The following MKLN1 variants were observed in gnomAD, a reference collection of about 807,000 sequenced individuals.
MKLN1 encodes the protein muskelin.
MKLN1 carries 18 observed loss-of-function variants against 99.0 expected under a neutral mutation model. The observed-to-expected ratio is 0.18, with a 90% CI of 0.13 to 0.27. The LOEUF is 0.27. Among genes scored for constraint, MKLN1 ranks in the 10% least tolerant of loss-of-function variants. The pLI is 1.00. For missense variants in MKLN1, 621 were observed against 875.9 expected, an observed-to-expected ratio of 0.71 and a Z score of 3.67; for synonymous variants, 288 against 293.2, an observed-to-expected ratio of 0.98 and a Z score of 0.18.
chr7:131,288,310 T>C (rs1304658325), intron 3 of MKLN1, among the ~76,000 whole-genome samples: 3 of 152,200 alleles, frequency 2.0e-5, no homozygotes, highest in African/African-American at 7.2e-5. Flanking sequence ...TTCACAGTTC[T>C]AGCTCTTTCT....
chr7:131,247,246 T>A (rs563167386), intron 3 of MKLN1, among the ~76,000 whole-genome samples: 264 of 139,300 alleles, frequency 1.9e-3, no homozygotes, highest in African/African-American at 6.2e-3. Flanking sequence ...TTTTTTTTTT[T>A]TTTGTCACCA....
intron 1 of MKLN1, among the ~76,000 whole-genome samples, chr7:131,335,109 T>C (rs1799214145): frequency 6.6e-6 from 1 of 152,186 alleles, no homozygotes; most frequent in Non-Finnish European, 1.5e-5. Context: ...AGTCCAGCAG[T>C]ATTAAAATCT....
chr7:131,307,547 G>A lies in MKLN1; in HGVS notation c.-178-67877G>A, dbSNP rs539636971. Among the ~76,000 whole-genome samples the A allele has an allele frequency of 5.9e-5, 9 of 152,320 alleles. No individual in the cohort carries two copies. The East Asian group carries it at 7.7e-4, about 13-fold the overall frequency. On this transcript the variant is annotated intron_variant, in intron 3 of 7. Transcript: ENST00000416992. ...CAGGAGCGGAGTTACCTAAGGCCTT[G>A]GGAGCCTACCTCTTGCATCAGCATG...
At chr7:131,479,554 T>C (rs1453038005) in intron 17 of MKLN1, among the ~76,000 whole-genome samples, 2 of 150,386 alleles carry the variant, frequency 1.3e-5, no homozygotes, top group African/African-American at 4.9e-5. Flanking sequence ...AGGCCGGGCG[T>C]GGTGGCTCAT....
chr7:131,435,827 C>G (rs1387592616), intron 9 of MKLN1, among the ~76,000 whole-genome samples: 1 of 152,038 alleles, frequency 6.6e-6, no homozygotes, highest in Non-Finnish European at 1.5e-5. Context: ...ATCAGTCTTT[C>G]AAAGAACCAA....
At chr7:131,459,245 G>A (rs913645432) in intron 12 of MKLN1, among the ~76,000 whole-genome samples, 1 of 152,218 alleles carries the variant, frequency 6.6e-6, no homozygotes, top group East Asian at 1.9e-4. Context: ...CCCTGCTACA[G>A]CAAGGGTCTT....
At chr7:131,398,117 G>A (rs1403929950) in intron 5 of MKLN1, among the ~76,000 whole-genome samples, 2 of 152,020 alleles carry the variant, frequency 1.3e-5, no homozygotes, top group East Asian at 1.9e-4. Flanking sequence ...CCTTATTAAA[G>A]GGTCATGCCT....
intron 9 of MKLN1, among the ~76,000 whole-genome samples, chr7:131,433,709 C>G (rs1270248551): frequency 6.6e-6 from 1 of 152,104 alleles, no homozygotes; most frequent in Non-Finnish European, 1.5e-5. Flanking sequence ...TTGGTCTCTT[C>G]TTAACCAATA....
intron 3 of MKLN1, among the ~76,000 whole-genome samples, chr7:131,294,929 G>A (rs993176705): frequency 5.3e-5 from 8 of 152,226 alleles, no homozygotes; most frequent in African/African-American, 9.6e-5. Flanking sequence ...AAACCATCTC[G>A]TGAGGCTAGC....
intron 6 of MKLN1, among the ~76,000 whole-genome samples, chr7:131,401,384 C>T (rs901342392): frequency 3.3e-5 from 5 of 152,296 alleles, no homozygotes; most frequent in Admixed American, 1.3e-4. Context: ...CAAAAGTAAT[C>T]ACCTAGGGAC....
At chr7:131,236,370 A>G (rs552992053) in intron 3 of MKLN1, among the ~76,000 whole-genome samples, 1 of 152,304 alleles carries the variant, frequency 6.6e-6, no homozygotes, top group South Asian at 2.1e-4. Context: ...CCGCTAAAAA[A>G]GTGATGGAGG....
intron 3 of MKLN1, among the ~76,000 whole-genome samples, chr7:131,216,441 A>G (rs572506716): frequency 6.6e-6 from 1 of 151,930 alleles, no homozygotes; most frequent in South Asian, 2.1e-4. Context: ...AAAAAAAGAA[A>G]AAAAAGAAAG....
At chr7:131,423,303 A>G (rs1424210668) in intron 8 of MKLN1, among the ~76,000 whole-genome samples, 3 of 152,084 alleles carry the variant, frequency 2.0e-5, no homozygotes, top group Non-Finnish European at 2.9e-5. Context: ...TGTAGCTATT[A>G]TATGAAAGTG....
At chr7:131,482,811 G>A (rs1426470) in intron 17 of MKLN1, among the ~76,000 whole-genome samples, 83,316 of 152,070 alleles carry the variant, frequency 0.55, 23,319 homozygotes, top group East Asian at 0.68. Flanking sequence ...AGCACTTACT[G>A]TGGGGCCAAG....
rs779178132 is a variant in MKLN1 at position 131,443,549 on chromosome 7, C to T, written c.1242C>T (p.Ser414=). ...FGGRILTCNG[S]VDDSRASEPQ... Reference sequence around the variant, plus strand: ...GTAGAATTTTGACTTGTAATGGCAGCGTAGATGACAGCAGAGCCAGTGAAC... The same window carrying T: ...GTAGAATTTTGACTTGTAATGGCAGTGTAGATGACAGCAGAGCCAGTGAAC... Residue 414 remains serine, a synonymous_variant, in exon 11 of 18, where the codon AGC becomes AGT. Transcript: ENST00000352689. 41 of 1,613,836 alleles carry T rather than the reference C, an allele frequency of 2.5e-5. No individual in the cohort carries two copies. Among genetic ancestry groups the T allele is most frequent in the Non-Finnish European group, 3.3e-5 (39 of 1,179,908 alleles).
At chr7:131,375,265 A>G (rs1793606906) in intron 1 of MKLN1, among the ~76,000 whole-genome samples, 159 bp from the exon 2 acceptor site, 1 of 152,148 alleles carries the variant, frequency 6.6e-6, no homozygotes, top group Non-Finnish European at 1.5e-5. Flanking sequence ...TCTTATATCT[A>G]CTAGAAGCTT....
At chr7:131,167,720 T>C (rs1323938008) in intron 2 of MKLN1, among the ~76,000 whole-genome samples, 3 of 151,498 alleles carry the variant, frequency 2.0e-5, no homozygotes, top group African/African-American at 4.9e-5. Context: ...GAAAAATGTA[T>C]ACTAATGTGA....
At chr7:131,209,721 G>C (rs1362374565) in intron 3 of MKLN1, among the ~76,000 whole-genome samples, 3 of 152,174 alleles carry the variant, frequency 2.0e-5, no homozygotes, top group Non-Finnish European at 4.4e-5. Context: ...CTGTCATTCA[G>C]TCATAATAAT....
At chr7:131,304,776 T>G (rs553114497) in intron 3 of MKLN1, among the ~76,000 whole-genome samples, 2 of 152,336 alleles carry the variant, frequency 1.3e-5, no homozygotes, top group Non-Finnish European at 2.9e-5. Context: ...CTGGCCTATT[T>G]GGAGTGTTTG....
Sources: gnomAD v4.1 joint callset for allele counts (sites outside exome capture counted in the v4.1 genomes callset) on GRCh38, gnomAD v4.1.1 for gene constraint, MANE v1.5 for transcripts, NCBI Gene and HGNC (gene_info 2026-07-23, HGNC 2026-07-21) for gene names.